The following NUMB variants were observed in gnomAD, a reference collection of about 807,000 sequenced individuals.
The protein encoded by NUMB is protein numb homolog.
A neutral mutation model predicts 59.7 loss-of-function variants in NUMB; 29 were observed. That is an observed-to-expected ratio of 0.49 (90% CI 0.36 to 0.66). The LOEUF (loss-of-function observed/expected upper bound fraction) is 0.66, where lower values mean the gene tolerates loss of function less well. Among genes scored for constraint, NUMB ranks in the 30% least tolerant of loss-of-function variants. The probability of loss-of-function intolerance (pLI) is 0.00; values close to 1 mark genes in which losing one functional copy is unlikely to be tolerated. For synonymous variants in NUMB, 288 were observed against 288.2 expected (o/e 1.00, Z 0.01); for missense variants, 723 against 822.0 (o/e 0.88, Z 1.47).
intron 6 of NUMB, among the ~76,000 whole-genome samples, chr14:73,314,608 C>T (rs929303833): frequency 3.3e-5 from 5 of 152,254 alleles, no homozygotes; most frequent in Middle Eastern, 3.4e-3. Context: ...TCCTGAGTAG[C>T]GTGCACCACC....
intron 2 of NUMB, among the ~76,000 whole-genome samples, chr14:73,381,272 A>C (rs1488049858): frequency 6.6e-6 from 1 of 152,176 alleles, no homozygotes; most frequent in African/African-American, 2.4e-5. Flanking sequence ...AAATAACTAG[A>C]TAAATCTCTC....
chr14:73,425,809 A>T (rs1411687441), intron 1 of NUMB, among the ~76,000 whole-genome samples: 3 of 138,140 alleles, frequency 2.2e-5, no homozygotes, highest in African/African-American at 8.0e-5. Context: ...ATTTTATTTA[A>T]TTTTTTTTTT....
At chr14:73,312,223 G>A (rs1890812318) in intron 6 of NUMB, among the ~76,000 whole-genome samples, 1 of 151,990 alleles carries the variant, frequency 6.6e-6, no homozygotes, top group African/African-American at 2.4e-5. Flanking sequence ...GTGAAACCCT[G>A]TCTCTACTAA....
At chr14:73,406,292 T>C (rs909570847) in intron 2 of NUMB, among the ~76,000 whole-genome samples, 5 of 134,030 alleles carry the variant, frequency 3.7e-5, no homozygotes, top group Admixed American at 1.6e-4. Context: ...CCCCTTCCTG[T>C]GTCCAAGTGT....
rs10582204 is a variant in NUMB at position 73,313,668 on chromosome 14, G to GAAAAAAAAAAAA, written c.234+2710_234+2721dup. 1.6e-3 allele frequency among the ~76,000 whole-genome samples: 198 copies of GAAAAAAAAAAAA among 124,084 alleles called. 8 individuals are homozygous for GAAAAAAAAAAAA. The highest frequency in any genetic ancestry group is 6.0e-3 in the African/African-American group (185 of 30,944). The allele number at this position is 124,084 out of a possible 152,430, so 81.4% of individuals were successfully genotyped here. A position where few individuals can be genotyped will look rare whatever the true frequency, so the allele number is the denominator to read the frequency against. ...TATATATGCAAATATTCCAAAATCT[G>GAAAAAAAAAAAA]AAAAAAAAAAAAAAAAATCCAAAAT... On this transcript the variant is annotated intron_variant, in intron 6 of 12. Coordinates refer to ENST00000555238, the MANE Select transcript of NUMB (RefSeq NM_001005743.2).
At chr14:73,302,069 C>A (rs572090395) in intron 6 of NUMB, among the ~76,000 whole-genome samples, 3 of 151,590 alleles carry the variant, frequency 2.0e-5, no homozygotes, top group Admixed American at 6.6e-5. Flanking sequence ...GGTGACACAG[C>A]GAGACTCCAT....
chr14:73,293,835 C>T (rs1889573935), intron 7 of NUMB, among the ~76,000 whole-genome samples: 2 of 152,200 alleles, frequency 1.3e-5, no homozygotes, highest in Admixed American at 6.5e-5. Flanking sequence ...CAGTCTACTT[C>T]AGTGTACCAT....
At chr14:73,452,097 C>A (rs915540188) in intron 1 of NUMB, among the ~76,000 whole-genome samples, 1 of 151,932 alleles carries the variant, frequency 6.6e-6, no homozygotes, top group Non-Finnish European at 1.5e-5. Context: ...TGGTGGCTCA[C>A]GCCTGGAATC....
intron 7 of NUMB, among the ~76,000 whole-genome samples, chr14:73,295,388 C>T (rs898493169): frequency 1.3e-5 from 2 of 152,160 alleles, no homozygotes; most frequent in African/African-American, 4.8e-5. Flanking sequence ...TAAGTAGCCA[C>T]AAGGGGGCAA....
intron 2 of NUMB, among the ~76,000 whole-genome samples, chr14:73,382,715 C>G (rs1335395810): frequency 6.6e-6 from 1 of 152,150 alleles, no homozygotes; most frequent in Non-Finnish European, 1.5e-5. Context: ...ATCCTCTCTA[C>G]AGAACAGTAT....
intron 4 of NUMB, among the ~76,000 whole-genome samples, chr14:73,345,856 C>T (rs753984393): frequency 4.0e-5 from 6 of 151,646 alleles, no homozygotes; most frequent in African/African-American, 1.2e-4. Flanking sequence ...TGCATTGAGC[C>T]GAGATCGCAC....
At chr14:73,293,496 A>G (rs1479080588) in intron 7 of NUMB, among the ~76,000 whole-genome samples, 2 of 148,888 alleles carry the variant, frequency 1.3e-5, no homozygotes, top group African/African-American at 2.5e-5. Context: ...GGTTCAAGCA[A>G]TTCTCCTGCC....
chr14:73,438,549 T>G (rs1421484809), intron 1 of NUMB, among the ~76,000 whole-genome samples: 1 of 149,450 alleles, frequency 6.7e-6, no homozygotes, highest in African/African-American at 2.5e-5. Context: ...GGGAATCGCT[T>G]GACCCCGGGA....
intron 4 of NUMB, among the ~76,000 whole-genome samples, chr14:73,350,968 C>T (rs1357661980): frequency 1.3e-5 from 2 of 152,140 alleles, no homozygotes; most frequent in South Asian, 2.1e-4. Context: ...CTAGCATGGG[C>T]TACTTCCAAA....
intron 1 of NUMB, among the ~76,000 whole-genome samples, chr14:73,447,004 T>C (rs1023493217): frequency 6.0e-5 from 9 of 150,810 alleles, no homozygotes; most frequent in Admixed American, 2.7e-4. Context: ...CTGGCCAACA[T>C]AGTGAAACCC....
Position 73,307,178 on chromosome 14 carries a change from G to A in NUMB, c.234+9212C>T, listed in dbSNP as rs146371619. Reference sequence around the variant, plus strand: ...CAAAAAATTAGCTGGGTGTGGTGGCGGGCACCTGTAGTCCCAGCTACTCGG... The same window carrying A: ...CAAAAAATTAGCTGGGTGTGGTGGCAGGCACCTGTAGTCCCAGCTACTCGG... On this transcript the variant is annotated intron_variant, in intron 6 of 12. Transcript: ENST00000555238. Among the ~76,000 whole-genome samples, 755 of 152,040 alleles carry A rather than the reference G, an allele frequency of 5.0e-3. 8 individuals carry two copies. Among genetic ancestry groups the A allele is most frequent in the African/African-American group, 0.017 (716 of 41,462 alleles).
intron 12 of NUMB, 99 bp from the exon 13 acceptor site, chr14:73,277,392 TCCCCCCC>T: frequency 7.4e-6 from 7 of 945,566 alleles, no homozygotes; most frequent in Non-Finnish European, 1.1e-5. Flanking sequence ...GTACAACATG[TCCCCCCC>T]TAATGGGACA....
chr14:73,349,005 A>G (rs1388211734), intron 4 of NUMB, among the ~76,000 whole-genome samples: 1 of 152,250 alleles, frequency 6.6e-6, no homozygotes, highest in East Asian at 1.9e-4. Context: ...AAAAAGTAAA[A>G]TATCTTCAAT....
At chr14:73,416,685 A>G (rs1306302733) in intron 1 of NUMB, among the ~76,000 whole-genome samples, 1 of 152,120 alleles carries the variant, frequency 6.6e-6, no homozygotes, top group Non-Finnish European at 1.5e-5. Flanking sequence ...TACTAAAAAT[A>G]CAAAAATTAG....
Sources: gnomAD v4.1 joint callset for allele counts (sites outside exome capture counted in the v4.1 genomes callset) on GRCh38, gnomAD v4.1.1 for gene constraint, MANE v1.5 for transcripts, NCBI Gene and HGNC (gene_info 2026-07-23, HGNC 2026-07-21) for gene names.